IMMP2L: variants seen among roughly 807,000 people sequenced by gnomAD.
IMMP2L encodes the protein inner mitochondrial membrane peptidase subunit 2.
A neutral mutation model predicts 19.3 loss-of-function variants in IMMP2L; 18 were observed. That is an observed-to-expected ratio of 0.93 (90% CI 0.64 to 1.38). The LOEUF is 1.38. Ranked by LOEUF, IMMP2L falls within the 40% of genes most tolerant of loss-of-function variation. The pLI is 0.00. For missense variants in IMMP2L, 233 were observed against 218.2 expected (o/e 1.07, Z -0.43); for synonymous variants, 76 against 73.0 (o/e 1.04, Z -0.21).
intron 3 of IMMP2L, among the ~76,000 whole-genome samples, chr7:111,041,705 A>G (rs1195252698): frequency 6.6e-6 from 1 of 151,944 alleles, no homozygotes; most frequent in Non-Finnish European, 1.5e-5. Flanking sequence ...ATGGCTTAAA[A>G]TTACTAGGTG....
Position 110,797,214 on chromosome 7 carries a change from A to T in IMMP2L, c.408+89379T>A, listed in dbSNP as rs1239230952. 2.6e-5 allele frequency among the ~76,000 whole-genome samples: 4 copies of T among 152,120 alleles called. No homozygotes were observed. The East Asian group carries it at 7.8e-4, about 30-fold the overall frequency. On this transcript the variant is annotated intron_variant, in intron 5 of 5. Transcript: ENST00000405709. ...GAAAATAAAAAAAAAATGCTATGAA[A>T]TTTAAATTATTATTACCTTATTTCA...
chr7:110,721,349 T>C (rs527337465), intron 5 of IMMP2L, among the ~76,000 whole-genome samples: 107 of 152,282 alleles, frequency 7.0e-4, no homozygotes, highest in African/African-American at 2.5e-3. Context: ...AAGAGCTCAA[T>C]TAAGGCCGGA....
chr7:110,664,592 G>A (rs1020470084), intron 5 of IMMP2L, among the ~76,000 whole-genome samples: 1 of 152,066 alleles, frequency 6.6e-6, no homozygotes, highest in Non-Finnish European at 1.5e-5. Flanking sequence ...GTGAACAGGA[G>A]AACATAGCAA....
At chr7:110,807,947 T>C (rs1314313336) in intron 5 of IMMP2L, among the ~76,000 whole-genome samples, 1 of 152,054 alleles carries the variant, frequency 6.6e-6, no homozygotes, top group Non-Finnish European at 1.5e-5. Flanking sequence ...CAATGGTTTC[T>C]AGAGCTACAC....
intron 5 of IMMP2L, among the ~76,000 whole-genome samples, chr7:110,860,598 A>G (rs1392118668): frequency 6.6e-6 from 1 of 152,126 alleles, no homozygotes. Flanking sequence ...TGAGATTCAT[A>G]TAACTAGATT....
chr7:110,866,032 T>G (rs992268221), intron 5 of IMMP2L, among the ~76,000 whole-genome samples: 1 of 152,042 alleles, frequency 6.6e-6, no homozygotes, highest in African/African-American at 2.4e-5. Context: ...ACTAAAGGAT[T>G]CTGTCTAGCA....
At chr7:110,742,895 C>T (rs1337853541) in intron 5 of IMMP2L, among the ~76,000 whole-genome samples, 2 of 152,144 alleles carry the variant, frequency 1.3e-5, no homozygotes, top group African/African-American at 2.4e-5. Context: ...CCTTTCTCTC[C>T]CCCTCTTTCA....
intron 5 of IMMP2L, among the ~76,000 whole-genome samples, chr7:110,754,567 G>A (rs1220302729): frequency 3.9e-5 from 6 of 152,012 alleles, no homozygotes; most frequent in Non-Finnish European, 7.4e-5. Context: ...TTATTTTTGG[G>A]TCTAGGGATA....
chr7:111,251,727 G>T (rs138130626), intron 3 of IMMP2L, among the ~76,000 whole-genome samples: 1 of 152,122 alleles, frequency 6.6e-6, no homozygotes, highest in African/African-American at 2.4e-5. Context: ...GGAATACCAC[G>T]AACTGGGGCC....
chr7:111,369,179 A>C (rs776855912), intron 3 of IMMP2L, among the ~76,000 whole-genome samples: 15 of 152,064 alleles, frequency 9.9e-5, no homozygotes, highest in Middle Eastern at 3.4e-3. Context: ...ATTTCCCTAA[A>C]GGGATGACAT....
intron 5 of IMMP2L, among the ~76,000 whole-genome samples, chr7:110,804,404 T>C (rs764639880): frequency 3.3e-5 from 5 of 152,018 alleles, no homozygotes; most frequent in Admixed American, 6.6e-5. Flanking sequence ...CTTTATTACA[T>C]GGAAGTCTTT....
intron 3 of IMMP2L, among the ~76,000 whole-genome samples, chr7:111,160,272 C>A (rs1205214148): frequency 6.6e-6 from 1 of 151,862 alleles, no homozygotes; most frequent in East Asian, 1.9e-4. Flanking sequence ...AATATTATAA[C>A]GCTATAATAA....
intron 5 of IMMP2L, among the ~76,000 whole-genome samples, chr7:110,715,782 A>G (rs1795197371): frequency 6.6e-6 from 1 of 152,150 alleles, no homozygotes. Context: ...TTGGTCAAGT[A>G]TCAAACTTAA....
rs1022311707 is a variant in IMMP2L, at chr7:111,209,312, G to A, written c.240-245747C>T. On this transcript the variant is annotated intron_variant, in intron 3 of 5. Transcript: ENST00000405709. ...CTTGCGAGGCTGAGGCAGGAGAATC[G>A]CTTGAACCCAGGAGACGGAGGTTGC... Among the ~76,000 whole-genome samples the A allele has an allele frequency of 3.4e-5, 5 of 149,174 alleles. No individual in the cohort carries two copies. The South Asian group carries it at 6.3e-4, about 19-fold the overall frequency.
intron 4 of IMMP2L, among the ~76,000 whole-genome samples, chr7:110,942,639 G>A (rs914035603): frequency 1.3e-5 from 2 of 151,660 alleles, no homozygotes; most frequent in Non-Finnish European, 2.9e-5. Context: ...TCAGTTCCAG[G>A]TATGGGTAGA....
At chr7:111,390,243 C>T (rs1316447429) in intron 3 of IMMP2L, among the ~76,000 whole-genome samples, 5 of 152,226 alleles carry the variant, frequency 3.3e-5, no homozygotes, top group African/African-American at 1.2e-4. Context: ...ACTCTGAAGG[C>T]CACACTGTCT....
chr7:111,441,570 T>A (rs1837722380), intron 3 of IMMP2L, among the ~76,000 whole-genome samples: 1 of 151,652 alleles, frequency 6.6e-6, no homozygotes, highest in Admixed American at 6.6e-5. Flanking sequence ...TCACTGATTA[T>A]GATAATCATA....
At chr7:111,048,006 G>T (rs542969714) in intron 3 of IMMP2L, among the ~76,000 whole-genome samples, 29 of 152,006 alleles carry the variant, frequency 1.9e-4, no homozygotes, top group Non-Finnish European at 3.4e-4. Flanking sequence ...TTGGGAGGCC[G>T]AGGCAGGCAG....
At chr7:110,817,072 TA>T (rs1480927410) in intron 5 of IMMP2L, among the ~76,000 whole-genome samples, 7 of 152,002 alleles carry the variant, frequency 4.6e-5, no homozygotes, top group African/African-American at 1.7e-4. Flanking sequence ...TGATGGTCTT[TA>T]CATTTTGGAT....
Sources: allele counts gnomAD v4.1 joint callset (sites outside exome capture counted in the v4.1 genomes callset), GRCh38; gene constraint gnomAD v4.1.1; transcripts MANE v1.5; gene names NCBI Gene and HGNC (gene_info 2026-07-23, HGNC 2026-07-21).